Variants in SLC17A5 observed in about 807,000 individuals in gnomAD.
The protein encoded by SLC17A5 is solute carrier family 17 member 5.
In SLC17A5, 47 loss-of-function variants were observed where a neutral mutation model predicts 59.4. That is an observed-to-expected ratio of 0.79 (90% CI 0.63 to 1.01). SLC17A5 has a LOEUF of 1.01. Among genes scored for constraint, SLC17A5 ranks in the 50% least tolerant of loss-of-function variants. The pLI is 0.00. For synonymous variants in SLC17A5, 202 were observed against 210.7 expected (o/e 0.96, Z 0.36); for missense variants, 522 against 595.5 (o/e 0.88, Z 1.28).
chr6:73,651,483 A>AAAAAAAC (rs1368983159), intron 1 of SLC17A5, among the ~76,000 whole-genome samples: 24 of 133,836 alleles, frequency 1.8e-4, no homozygotes, highest in Non-Finnish European at 3.5e-4. Flanking sequence ...AAAAAAAAAA[A>AAAAAAAC]ATCAGGACAT....
chr6:73,636,829 C>G, intron 4 of SLC17A5, 122 bp from the exon 5 acceptor site: 1 of 755,284 alleles, frequency 1.3e-6, no homozygotes, highest in Non-Finnish European at 2.4e-6. Context: ...TCCTGTAATC[C>G]CTGCACTTTG....
rs1368983159 is a variant in SLC17A5, at chr6:73,651,483, A to AAAAAAC, written c.94+2309_94+2310insGTTTTT. 8.2e-5 allele frequency among the ~76,000 whole-genome samples: 11 copies of AAAAAAC among 133,926 alleles called. 1 individual carries two copies. The highest frequency in any genetic ancestry group is 1.6e-4 in the Admixed American group (2 of 12,900). The allele number at this position is 133,926 out of a possible 152,430, so 87.9% of individuals were successfully genotyped here. A position where few individuals can be genotyped will look rare whatever the true frequency, so the allele number is the denominator to read the frequency against. On this transcript the variant is annotated intron_variant, in intron 1 of 10. Coordinates refer to ENST00000355773, the MANE Select transcript of SLC17A5 (RefSeq NM_012434.5). ...CTCAAAAAAAAAAAAAAAAAAAAAAAATCAGGACATAATTGAGGAAATATG... is the reference window on the plus strand; with the variant it reads ...CTCAAAAAAAAAAAAAAAAAAAAAAAAAAAACATCAGGACATAATTGAGGAAATATG...
chr6:73,602,697 C>G (rs917097879), intron 9 of SLC17A5, among the ~76,000 whole-genome samples: 1 of 151,290 alleles, frequency 6.6e-6, no homozygotes, highest in Admixed American at 6.6e-5. Flanking sequence ...ATGGCGTGAA[C>G]CTGGGAGGCG....
At chr6:73,639,962 C>T (rs899632148) in intron 3 of SLC17A5, among the ~76,000 whole-genome samples, 2 of 152,300 alleles carry the variant, frequency 1.3e-5, no homozygotes. Flanking sequence ...AGGAGAATTG[C>T]TTGAACTCAG....
chr6:73,643,943 A>G (rs1769420560), intron 2 of SLC17A5, among the ~76,000 whole-genome samples: 1 of 152,194 alleles, frequency 6.6e-6, no homozygotes, highest in Non-Finnish European at 1.5e-5. Context: ...TATGTGGCTT[A>G]GGTTGGGCAT....
chr6:73,622,065 CTTAA>C, intron 6 of SLC17A5, 103 bp from the exon 7 acceptor site: 1 of 1,117,176 alleles, frequency 9.0e-7, no homozygotes. Context: ...AGAATATCAC[CTTAA>C]TTAGTAAACT....
intron 1 of SLC17A5, among the ~76,000 whole-genome samples, chr6:73,650,505 C>T (rs10943121): frequency 2.0e-5 from 2 of 100,084 alleles, no homozygotes; most frequent in Non-Finnish European, 3.7e-5. Context: ...AAGACTCCGT[C>T]TCAAAAAAAA....
intron 7 of SLC17A5, among the ~76,000 whole-genome samples, chr6:73,621,345 C>A (rs529369106): frequency 2.6e-5 from 4 of 152,188 alleles, no homozygotes; most frequent in African/African-American, 2.4e-5. Context: ...CACCATGTTG[C>A]CCGGTCTGGT....
chr6:73,628,699 G>A (rs1029670269), intron 6 of SLC17A5, among the ~76,000 whole-genome samples: 2 of 151,836 alleles, frequency 1.3e-5, no homozygotes, highest in African/African-American at 2.4e-5. Flanking sequence ...TGGAATTTGT[G>A]AAGGAAAAAT....
intron 6 of SLC17A5, among the ~76,000 whole-genome samples, chr6:73,634,843 G>T (rs1768922937): frequency 6.6e-6 from 1 of 152,142 alleles, no homozygotes. Flanking sequence ...ATGTACAACT[G>T]TATAAACACA....
At chr6:73,613,541 T>G (rs1369683916) in intron 8 of SLC17A5, among the ~76,000 whole-genome samples, 3 of 152,138 alleles carry the variant, frequency 2.0e-5, no homozygotes, top group Admixed American at 1.3e-4. Context: ...AATTTTTGTA[T>G]TTTTAGTAGA....
chr6:73,596,142 A>C (rs1766789616), intron 10 of SLC17A5, among the ~76,000 whole-genome samples: 1 of 152,000 alleles, frequency 6.6e-6, no homozygotes, highest in Non-Finnish European at 1.5e-5. Flanking sequence ...TACTTCAATA[A>C]AAAGTTTACT....
chr6:73,619,916 G>C (rs1768057692), intron 7 of SLC17A5, among the ~76,000 whole-genome samples: 2 of 145,328 alleles, frequency 1.4e-5, no homozygotes, highest in South Asian at 4.4e-4. Flanking sequence ...ATGATTTTGA[G>C]AATTTGTTTT....
intron 5 of SLC17A5, among the ~76,000 whole-genome samples, chr6:73,636,138 G>A (rs534921392): frequency 6.6e-6 from 1 of 152,168 alleles, no homozygotes; most frequent in South Asian, 2.1e-4. Context: ...TTCCAAAGGT[G>A]TCTGTTTTTG....
Position 73,653,931 on chromosome 6 carries a change from A to G in SLC17A5, c.-45T>C. The G allele has an allele frequency of 6.6e-7, 1 of 1,525,880 alleles. No homozygotes were observed. The highest frequency in any genetic ancestry group is 8.9e-7 in the Non-Finnish European group (1 of 1,122,586). The allele number at this position is 1,525,880 out of a possible 1,614,324, so 94.5% of individuals were successfully genotyped here. Reference sequence around the variant, plus strand: ...GTACTCGCCACCTGGCAGAGAAGGGAGCGCCGGCCCGACAGCCCGAAGCCC... The same window carrying G: ...GTACTCGCCACCTGGCAGAGAAGGGGGCGCCGGCCCGACAGCCCGAAGCCC... On this transcript the variant is annotated 5_prime_UTR_variant, in exon 1 of 11. Transcript: ENST00000355773.
rs1186285194 is a variant in SLC17A5 at position 73,594,003 on chromosome 6, C to A, written c.*1074G>T. On this transcript the variant is annotated 3_prime_UTR_variant, in exon 11 of 11. Coordinates refer to ENST00000355773, the MANE Select transcript of SLC17A5 (RefSeq NM_012434.5). The stretch of plus-strand genomic sequence containing the variant: ...ATCTTATTTGTGATTGACTGGGCAT[C>A]GCACTTTTCTTTCTTTATTCTTTTT... 2 of 151,730 alleles carry A rather than the reference C, an allele frequency of 1.3e-5. No homozygotes were observed. The allele number at this position is 151,730 out of a possible 1,614,324, so 9.4% of individuals were successfully genotyped here. A position where few individuals can be genotyped will look rare whatever the true frequency, so the allele number is the denominator to read the frequency against.
intron 4 of SLC17A5, among the ~76,000 whole-genome samples, chr6:73,637,965 G>T (rs1769098619): frequency 1.3e-5 from 2 of 151,700 alleles, no homozygotes; most frequent in African/African-American, 4.8e-5. Context: ...TGAAGAGAGG[G>T]GTTGAGAATC....
intron 3 of SLC17A5, among the ~76,000 whole-genome samples, chr6:73,640,069 A>C (rs1047068340): frequency 1.3e-5 from 2 of 152,218 alleles, no homozygotes; most frequent in Non-Finnish European, 2.9e-5. Flanking sequence ...AAATAAATAA[A>C]TGAATAAATA....
chr6:73,614,381 G>A (rs573753), intron 8 of SLC17A5, among the ~76,000 whole-genome samples: 64,090 of 152,072 alleles, frequency 0.42, 14,387 homozygotes, highest in African/African-American at 0.57. Flanking sequence ...AAGACCAGAC[G>A]GGGCAACATA....
Sources: gnomAD v4.1 joint callset for allele counts (sites outside exome capture counted in the v4.1 genomes callset) on GRCh38, gnomAD v4.1.1 for gene constraint, MANE v1.5 for transcripts, NCBI Gene and HGNC (gene_info 2026-07-23, HGNC 2026-07-21) for gene names.